MCC: variants seen among roughly 807,000 people sequenced by gnomAD.
MCC encodes MCC regulator of Wnt signaling pathway.
Under a neutral mutation model 116.2 loss-of-function variants are expected in MCC, and 90 were observed. The ratio of observed to expected loss-of-function variants is 0.77; its 90% CI spans 0.65 to 0.92. MCC has a LOEUF of 0.92. Ranked by LOEUF, MCC falls within the 40% of genes least tolerant of loss-of-function variation. MCC has a pLI of 0.00. For synonymous variants in MCC, 578 were observed against 510.5 expected (o/e 1.13, Z -1.78); for missense variants, 1,516 against 1,312.2 (o/e 1.16, Z -2.40).
At chr5:113,329,297 C>G in intron 3 of MCC, among the ~76,000 whole-genome samples, 1 of 152,124 alleles carries the variant, frequency 6.6e-6, no homozygotes, top group Admixed American at 6.6e-5. Context: ...TCCTCCCACC[C>G]AGGCCTCTAG....
intron 17 of MCC, among the ~76,000 whole-genome samples, chr5:113,039,407 C>T (rs772159472): frequency 3.9e-5 from 6 of 152,154 alleles, no homozygotes; most frequent in Non-Finnish European, 8.8e-5. Flanking sequence ...CATTGCTTCA[C>T]AGCTCTGTGT....
At chr5:113,218,450 G>A (rs907969635) in intron 3 of MCC, among the ~76,000 whole-genome samples, 2 of 152,092 alleles carry the variant, frequency 1.3e-5, no homozygotes, top group Admixed American at 6.5e-5. Flanking sequence ...ATTACCGCCC[G>A]CTCAACCAGG....
chr5:113,375,056 C>G (rs1768949403), intron 2 of MCC, among the ~76,000 whole-genome samples: 1 of 151,796 alleles, frequency 6.6e-6, no homozygotes. Context: ...TTCCCACACC[C>G]AACCACAGCT....
chr5:113,369,349 G>A (rs1364430168), intron 2 of MCC, among the ~76,000 whole-genome samples: 2 of 151,822 alleles, frequency 1.3e-5, no homozygotes, highest in Non-Finnish European at 2.9e-5. Context: ...CACATTTGGA[G>A]ATTTTAAGGA....
intron 3 of MCC, among the ~76,000 whole-genome samples, chr5:113,211,506 T>C (rs1476745047): frequency 6.6e-6 from 1 of 152,224 alleles, no homozygotes; most frequent in African/African-American, 2.4e-5. Flanking sequence ...TCTAAAACAA[T>C]CTTCTACATA....
At chr5:113,070,975 G>C in intron 12 of MCC, 119 bp downstream of exon 12, 1 of 1,110,670 alleles carries the variant, frequency 9.0e-7, no homozygotes. Flanking sequence ...CGCCAGATAT[G>C]CCTTGGTCCA....
chr5:113,292,787 C>A (rs527602272), intron 3 of MCC, among the ~76,000 whole-genome samples: 3 of 152,266 alleles, frequency 2.0e-5, no homozygotes, highest in African/African-American at 7.2e-5. Flanking sequence ...AAGGGCCTGG[C>A]AAAGAGTCTC....
chr5:113,042,772 C>A (rs974861953), intron 17 of MCC, among the ~76,000 whole-genome samples: 48 of 151,274 alleles, frequency 3.2e-4, no homozygotes, highest in African/African-American at 1.1e-3. Flanking sequence ...GTTTTGAAAA[C>A]TTGGTTAAAA....
At chr5:113,161,493 ACTC>A (rs1349564114) in intron 3 of MCC, among the ~76,000 whole-genome samples, 8 of 152,260 alleles carry the variant, frequency 5.3e-5, no homozygotes, top group African/African-American at 1.7e-4. Flanking sequence ...CAGTCAATAA[ACTC>A]CACAGATCAG....
At chr5:113,277,168 C>T (rs1765861372) in intron 3 of MCC, among the ~76,000 whole-genome samples, 1 of 151,028 alleles carries the variant, frequency 6.6e-6, no homozygotes, top group African/African-American at 2.4e-5. Context: ...CATGGTGAAA[C>T]CCCATCTCTA....
chr5:113,085,631 A>C (rs1007943024), intron 8 of MCC, among the ~76,000 whole-genome samples: 2 of 152,146 alleles, frequency 1.3e-5, no homozygotes, highest in African/African-American at 4.8e-5. Context: ...TATTCTTCAC[A>C]AGCATGAGGT....
chr5:113,219,426 T>C (rs773710802), intron 3 of MCC, among the ~76,000 whole-genome samples: 3 of 152,248 alleles, frequency 2.0e-5, no homozygotes, highest in Non-Finnish European at 4.4e-5. Flanking sequence ...TCAGCTGCTA[T>C]GTTTAACCAC....
intron 3 of MCC, among the ~76,000 whole-genome samples, chr5:113,159,474 CTG>C (rs1322407108): frequency 5.3e-5 from 8 of 152,170 alleles, no homozygotes; most frequent in African/African-American, 1.9e-4. Flanking sequence ...AGAAATGAAA[CTG>C]AGACTCAGAG....
At chr5:113,064,935 T>G (rs191949841) in intron 13 of MCC, among the ~76,000 whole-genome samples, 7 of 152,300 alleles carry the variant, frequency 4.6e-5, no homozygotes, top group Admixed American at 3.9e-4. Flanking sequence ...GTGGGAGGAC[T>G]GCTTGAACTT....
intron 3 of MCC, among the ~76,000 whole-genome samples, chr5:113,198,816 G>A (rs938360487): frequency 6.6e-6 from 1 of 152,100 alleles, no homozygotes; most frequent in African/African-American, 2.4e-5. Flanking sequence ...GGCTGGGTTG[G>A]GAGGCGGGAC....
Position 113,424,409 on chromosome 5 carries a change from A to T in MCC, c.171-39197T>A, listed in dbSNP as rs549173919. On this transcript the variant is annotated intron_variant, in intron 1 of 18. Coordinates refer to ENST00000408903, the MANE Select transcript of MCC (RefSeq NM_001085377.2). ...ATGACATAATTTTCACAGAACAATAATAAGTTTTAAAAAAGAACACTCAGT... is the reference window on the plus strand; with the variant it reads ...ATGACATAATTTTCACAGAACAATATTAAGTTTTAAAAAAGAACACTCAGT... Among the ~76,000 whole-genome samples, 4 of 152,300 alleles carry T rather than the reference A, an allele frequency of 2.6e-5. No individual in the cohort carries two copies. In the East Asian group the frequency reaches 7.7e-4, roughly 29 times the overall value.
intron 1 of MCC, among the ~76,000 whole-genome samples, chr5:113,423,370 G>A (rs1770392134): frequency 6.6e-6 from 1 of 152,180 alleles, no homozygotes; most frequent in East Asian, 1.9e-4. Flanking sequence ...TAAACAGGGT[G>A]TCTTTAAAAA....
Position 113,434,746 on chromosome 5 carries a change from C to G in MCC, c.171-49534G>C. On this transcript the variant is annotated intron_variant, in intron 1 of 18. Coordinates refer to ENST00000408903, the MANE Select transcript of MCC (RefSeq NM_001085377.2). This position sits in a 1 kb window ranked among gnomAD's most constrained non-coding sequence, Gnocchi z 4.2. ...ATCGCCACATTGAACTTCAGGCGCTCAGAGTAAGCAGATTTTACTTTTGCA... is the reference window on the plus strand; with the variant it reads ...ATCGCCACATTGAACTTCAGGCGCTGAGAGTAAGCAGATTTTACTTTTGCA... 3 of 1,614,050 alleles carry G rather than the reference C, an allele frequency of 1.9e-6. No individual in the cohort carries two copies. The highest frequency in any genetic ancestry group is 2.2e-5 in the South Asian group (2 of 91,072).
At chr5:113,067,999 C>T in intron 13 of MCC, 81 bp downstream of exon 13, 1 of 1,226,050 alleles carries the variant, frequency 8.2e-7, no homozygotes, top group Non-Finnish European at 1.2e-6. Context: ...GGAGATGATT[C>T]AATGCCAGTT....
Sources: gnomAD v4.1 joint callset for allele counts (sites outside exome capture counted in the v4.1 genomes callset) on GRCh38, gnomAD v4.1.1 for gene constraint, Gnocchi (gnomAD v3.1) non-coding constraint, MANE v1.5 for transcripts, NCBI Gene and HGNC (gene_info 2026-07-23, HGNC 2026-07-21) for gene names.